The following KRT75 variants were observed in gnomAD, a reference collection of about 807,000 sequenced individuals.
KRT75 encodes the protein keratin 75, also known as keratin, type II cytoskeletal 75.
A neutral mutation model predicts 48.8 loss-of-function variants in KRT75; 35 were observed. The ratio of observed to expected loss-of-function variants is 0.72; its 90% CI spans 0.55 to 0.95. The LOEUF is 0.95. Ranked by LOEUF, KRT75 falls within the 40% of genes least tolerant of loss-of-function variation. KRT75 has a pLI of 0.00. For synonymous variants in KRT75, 301 were observed against 282.3 expected (o/e 1.07, Z -0.66); for missense variants, 776 against 709.9 (o/e 1.09, Z -1.06).
At chr12:52,431,449 G>T in intron 4 of KRT75, 94 bp downstream of exon 4, 1 of 970,734 alleles carries the variant, frequency 1.0e-6, no homozygotes, top group Non-Finnish European at 1.7e-6. Flanking sequence ...AAGATGCTGG[G>T]CAGAGGCACT....
intron 3 of KRT75, 112 bp downstream of exon 3, chr12:52,431,894 T>C: frequency 2.0e-6 from 2 of 1,024,030 alleles, no homozygotes; most frequent in Non-Finnish European, 3.1e-6. Context: ...CTGCAGATAT[T>C]CTCAAGGTTG....
intron 8 of KRT75, among the ~76,000 whole-genome samples, chr12:52,425,448 G>T (rs905667441): frequency 6.6e-6 from 1 of 152,236 alleles, no homozygotes; most frequent in Non-Finnish European, 1.5e-5. Context: ...TGGGATCGTT[G>T]CAGGTATAAC....
At chr12:52,431,054 C>T (rs114924639) in intron 4 of KRT75, among the ~76,000 whole-genome samples, 42 of 152,318 alleles carry the variant, frequency 2.8e-4, no homozygotes, top group African/African-American at 9.6e-4. Flanking sequence ...CTTCCCCCTG[C>T]ACAGTGTGAC....
chr12:52,430,034 TCATGGCTTCCCA>T, intron 5 of KRT75, among the ~76,000 whole-genome samples: 1 of 152,270 alleles, frequency 6.6e-6, no homozygotes, highest in Admixed American at 6.5e-5. Flanking sequence ...CTTTTGTCCC[TCATGGCTTCCCA>T]ACTGTACAAA....
rs199900381 is a variant in KRT75, at chr12:52,425,637, C to T, written c.1418-882G>A. ...AGGAACACCGAGGATGGATGGCCAC[C>T]GCCAGAGCTAGGAGGAGGCTGGAGG... On this transcript the variant is annotated intron_variant, in intron 8 of 8. Transcript: ENST00000252245. Among the ~76,000 whole-genome samples the T allele has an allele frequency of 1.6e-4, 25 of 152,302 alleles. 1 individual carries two copies. In the East Asian group the frequency reaches 4.2e-3, roughly 26 times the overall value.
At chr12:52,432,314 T>C in intron 2 of KRT75, among the ~76,000 whole-genome samples, 1 of 152,220 alleles carries the variant, frequency 6.6e-6, no homozygotes, top group East Asian at 1.9e-4. Context: ...TACAAAAATA[T>C]ACTTATGCAA....
At position 52,430,639 on chromosome 12, in the gene KRT75, TG is replaced by T; in HGVS notation, c.936del (p.Asn313ThrfsTer58). The T allele has an allele frequency of 6.2e-7, 1 of 1,614,208 alleles. No homozygotes were observed. The highest frequency in any genetic ancestry group is 1.1e-5 in the South Asian group (1 of 91,078). On this transcript the variant is annotated frameshift_variant, in exon 5 of 9. Coordinates refer to ENST00000252245, the MANE Select transcript of KRT75 (RefSeq NM_004693.3). LOFTEE classifies it high-confidence loss of function. ...TSVVLSMDNNRNLDLDSIIAE... is the reference protein window; with the variant it reads ...TSVVLSMDNNXNLDLDSIIAE... ...GCGATGATACTATCCAGGTCCAGGT[TG>T]CGGTTGTTGTCCATGGACAGCACCA...
Position 52,433,116 on chromosome 12 carries a change from T to G in KRT75, c.635A>C (p.Glu212Ala). 1.2e-6 allele frequency: 2 copies of G among 1,613,160 alleles called. No homozygotes were observed. The highest frequency in any genetic ancestry group is 1.7e-6 in the Non-Finnish European group (2 of 1,179,720). ...SYTSELRRQLESITTERGRLE... is the reference protein window; with the variant it reads ...SYTSELRRQLASITTERGRLE... ...CCTGCCCCTCTCGGTGGTGATGCTT[T>G]CCAGCTGCCGTCGGAGCTCACTGGT... is the stretch of plus-strand genomic sequence containing the variant. Residue 212 changes from glutamate to alanine, a missense_variant, in exon 2 of 9, where the codon GAA (glutamate) becomes GCA (alanine). Physicochemically the swap from Glu to Ala is moderately radical, Grantham distance 107. Coordinates refer to ENST00000252245, the MANE Select transcript of KRT75 (RefSeq NM_004693.3).
At chr12:52,428,143 G>A (rs1257772157) in intron 7 of KRT75, 113 bp downstream of exon 7, 12 of 1,359,436 alleles carry the variant, frequency 8.8e-6, no homozygotes, top group Non-Finnish European at 1.2e-5. Flanking sequence ...ATTCTGAACT[G>A]CATTTTCTTC....
chr12:52,429,619 C>T (rs879542260), intron 5 of KRT75, among the ~76,000 whole-genome samples: 9 of 152,158 alleles, frequency 5.9e-5, no homozygotes, highest in Non-Finnish European at 8.8e-5. Context: ...CATGAGGAAT[C>T]GTTTGCTATC....
rs1461814592 is a variant in KRT75, at chr12:52,428,360, G to A, written c.1278C>T (p.Asp426=). 1.2e-6 allele frequency: 2 copies of A among 1,614,186 alleles called. No individual in the cohort carries two copies. The highest frequency in any genetic ancestry group is 1.7e-6 in the Non-Finnish European group (2 of 1,180,040). Residue 426 remains aspartate (D), a synonymous_variant, in exon 7 of 9, where the codon GAC becomes GAT. Coordinates refer to ENST00000252245, the MANE Select transcript of KRT75 (RefSeq NM_004693.3). ...LEEALQKAKQ[D]MARLLREYQE... ...GGTACTCACGCAGGAGCCGAGCCAT[G>A]TCCTGCTTGGCCTTCTGCAGGGCCT... is the stretch of plus-strand genomic sequence containing the variant.
chr12:52,431,862 A>G, intron 3 of KRT75, 144 bp downstream of exon 3: 1 of 844,044 alleles, frequency 1.2e-6, no homozygotes, highest in African/African-American at 1.7e-5. Flanking sequence ...ACGTAGAGGG[A>G]ACATGTTGGG....
chr12:52,426,880 G>T (rs201405040), intron 7 of KRT75, 29 bp from the exon 8 acceptor site: 2 of 1,612,010 alleles, frequency 1.2e-6, no homozygotes, highest in Non-Finnish European at 1.7e-6. Context: ...GAGAAGGAAG[G>T]TTACCAATGT....
At chr12:52,428,819 C>A in intron 5 of KRT75, 76 bp from the exon 6 acceptor site, 1 of 1,595,000 alleles carries the variant, frequency 6.3e-7, no homozygotes, top group Non-Finnish European at 8.6e-7. Context: ...CAGACCCACC[C>A]TGGGTGCCAC....
Position 52,424,605 on chromosome 12 carries a change from G to T in KRT75, c.1568C>A (p.Ala523Asp). 1 of 1,614,190 alleles carries T rather than the reference G, an allele frequency of 6.2e-7. No individual in the cohort carries two copies. The highest frequency in any genetic ancestry group is 8.5e-7 in the Non-Finnish European group (1 of 1,180,028). The change falls in exon 9 of 9, where the codon GCC becomes GAC. Residue 523 changes from alanine to aspartate, a missense_variant. Physicochemically the swap from Ala to Asp is moderately radical, Grantham distance 126. Transcript: ENST00000252245. Reference sequence around the variant, plus strand: ...GCCCCCTAAGCCCCGGTTGCTGGTGGCACTGAATCCAGAACCTCCCAGGCC... The same window carrying T: ...GCCCCCTAAGCCCCGGTTGCTGGTGTCACTGAATCCAGAACCTCCCAGGCC... The part of the protein sequence containing the change: ...GAGLGGSGFS[A>D]TSNRGLGGSG...
rs1940073306 is a variant in KRT75, at chr12:52,426,162, C to T, written c.1417+655G>A. On this transcript the variant is annotated intron_variant, in intron 8 of 8. Coordinates refer to ENST00000252245, the MANE Select transcript of KRT75 (RefSeq NM_004693.3). ...AGTCATTTCTGTTGCCCTTGTGATG[C>T]CAGCACTGAGCTCTGCGAATGACCA... Among the ~76,000 whole-genome samples the T allele has an allele frequency of 2.0e-5, 3 of 152,232 alleles. No individual in the cohort carries two copies. In the East Asian group the frequency reaches 5.8e-4, roughly 29 times the overall value.
chr12:52,432,704 A>G (rs1291150388), intron 2 of KRT75, among the ~76,000 whole-genome samples: 1 of 152,232 alleles, frequency 6.6e-6, no homozygotes, highest in Non-Finnish European at 1.5e-5. Context: ...AATGCAAACC[A>G]TCTCAATAAT....
Position 52,430,851 on chromosome 12 carries a change from C to T in KRT75, c.871-146G>A, listed in dbSNP as rs1305685088. On this transcript the variant is annotated intron_variant, in intron 4 of 8. Coordinates refer to ENST00000252245, the MANE Select transcript of KRT75 (RefSeq NM_004693.3). ...TATTCCCTAGGTATTCCCATTCATC[C>T]CAAAAGATCAGTGTGGTGAAAATCT... is the stretch of plus-strand genomic sequence containing the variant. The T allele has an allele frequency of 5.4e-6, 5 of 926,828 alleles. No homozygotes were observed. The East Asian group carries it at 1.0e-4, about 19-fold the overall frequency. The allele number at this position is 926,828 out of a possible 1,614,324, so 57.4% of individuals were successfully genotyped here.
At chr12:52,431,861 G>T in intron 3 of KRT75, 145 bp downstream of exon 3, 1 of 842,506 alleles carries the variant, frequency 1.2e-6, no homozygotes, top group East Asian at 2.6e-5. Context: ...AACGTAGAGG[G>T]AACATGTTGG....
Sources: allele counts gnomAD v4.1 joint callset (sites outside exome capture counted in the v4.1 genomes callset), GRCh38; gene constraint gnomAD v4.1.1; transcripts MANE v1.5; gene names NCBI Gene and HGNC (gene_info 2026-07-23, HGNC 2026-07-21).